Variants in ASAP2 observed in about 807,000 individuals in gnomAD.
ASAP2 encodes the protein arf-GAP with SH3 domain, ANK repeat and PH domain-containing protein 2.
In ASAP2, 45 loss-of-function variants were observed where a neutral mutation model predicts 131.4. The ratio of observed to expected loss-of-function variants is 0.34; its 90% CI spans 0.27 to 0.44. The LOEUF (loss-of-function observed/expected upper bound fraction) is 0.44. Ranked by LOEUF, ASAP2 falls within the 20% of genes least tolerant of loss-of-function variation. The probability of loss-of-function intolerance (pLI) is 1.00; values close to 1 mark genes in which losing one functional copy is unlikely to be tolerated. For missense variants in ASAP2, 1,011 were observed against 1,297.0 expected (o/e 0.78, Z 3.39); for synonymous variants, 510 against 503.0 (o/e 1.01, Z -0.19).
chr2:9,318,236 A>AT (rs1174003959), intron 3 of ASAP2, among the ~76,000 whole-genome samples: 2 of 152,028 alleles, frequency 1.3e-5, no homozygotes, highest in Non-Finnish European at 2.9e-5. Context: ...GTTTTGAAAT[A>AT]TTTTTTCTTC....
At chr2:9,278,690 A>G (rs1163618908) in intron 1 of ASAP2, among the ~76,000 whole-genome samples, 2 of 152,172 alleles carry the variant, frequency 1.3e-5, no homozygotes, top group Admixed American at 6.5e-5. Flanking sequence ...TAGCTGGTCT[A>G]TAAACATTTG....
intron 20 of ASAP2, among the ~76,000 whole-genome samples, chr2:9,384,537 C>T (rs1675110905): frequency 6.6e-6 from 1 of 152,252 alleles, no homozygotes; most frequent in Non-Finnish European, 1.5e-5. Flanking sequence ...TTCTGACCAA[C>T]CGGCTTCAAG....
chr2:9,222,554 A>G (rs1449167131), intron 1 of ASAP2, among the ~76,000 whole-genome samples: 2 of 152,178 alleles, frequency 1.3e-5, no homozygotes, highest in African/African-American at 2.4e-5. Context: ...ACAAAAGGTA[A>G]TTATTGAGAT....
chr2:9,297,230 C>G, intron 2 of ASAP2, 70 bp from the exon 3 acceptor site: 1 of 1,577,256 alleles, frequency 6.3e-7, no homozygotes, highest in African/African-American at 1.4e-5. Flanking sequence ...TATTCACAAC[C>G]GAGAAGAACC....
intron 9 of ASAP2, among the ~76,000 whole-genome samples, chr2:9,341,745 G>A (rs1250546863): frequency 3.3e-5 from 5 of 152,176 alleles, no homozygotes; most frequent in African/African-American, 9.7e-5. Flanking sequence ...TCTCAGCAAC[G>A]TTGAAAGCTG....
intron 1 of ASAP2, among the ~76,000 whole-genome samples, chr2:9,263,029 C>T (rs1030951306): frequency 1.3e-5 from 2 of 152,178 alleles, no homozygotes; most frequent in Non-Finnish European, 2.9e-5. Flanking sequence ...GAAGGCTGAC[C>T]TCACGCCCAG....
At chr2:9,354,728 G>A (rs747324413) in intron 12 of ASAP2, among the ~76,000 whole-genome samples, 9 of 151,862 alleles carry the variant, frequency 5.9e-5, no homozygotes, top group Non-Finnish European at 1.0e-4. Context: ...ACCAAGTTCT[G>A]CTGCTGGCTA....
At chr2:9,366,649 T>G (rs1216292974) in intron 15 of ASAP2, among the ~76,000 whole-genome samples, 1 of 152,128 alleles carries the variant, frequency 6.6e-6, no homozygotes, top group East Asian at 1.9e-4. Context: ...CCTCTAGGCT[T>G]TTGCCTCCTG....
intron 19 of ASAP2, among the ~76,000 whole-genome samples, chr2:9,380,004 T>A (rs13033403): frequency 0.91 from 130,122 of 142,244 alleles, 59,344 homozygotes; most frequent in Non-Finnish European, 0.99. Context: ...AAAAAAAAAA[T>A]AAATAAAGTA....
At chr2:9,271,825 G>A (rs925307662) in intron 1 of ASAP2, among the ~76,000 whole-genome samples, 3 of 151,704 alleles carry the variant, frequency 2.0e-5, no homozygotes, top group Non-Finnish European at 4.4e-5. Context: ...CTTTCTGTAC[G>A]TGGCTTATTT....
intron 1 of ASAP2, among the ~76,000 whole-genome samples, chr2:9,211,602 G>C (rs903464163): frequency 2.0e-5 from 3 of 151,936 alleles, no homozygotes; most frequent in African/African-American, 7.3e-5. Flanking sequence ...CTTCCTTCCG[G>C]GGCCATAATT....
chr2:9,318,742 C>T (rs1207607021), intron 4 of ASAP2, 144 bp downstream of exon 4: 6 of 564,182 alleles, frequency 1.1e-5, no homozygotes, highest in Non-Finnish European at 1.9e-5. Flanking sequence ...CTCTGATTTG[C>T]CATCTTGGGA....
At chr2:9,215,930 T>C (rs1661991233) in intron 1 of ASAP2, among the ~76,000 whole-genome samples, 3 of 152,202 alleles carry the variant, frequency 2.0e-5, no homozygotes, top group Non-Finnish European at 4.4e-5. Context: ...GCTTCTCATC[T>C]GATCCCACAG....
intron 11 of ASAP2, among the ~76,000 whole-genome samples, chr2:9,346,493 A>G (rs1190405165): frequency 1.3e-5 from 2 of 152,044 alleles, no homozygotes; most frequent in Admixed American, 1.3e-4. Flanking sequence ...TGAGTTCTGT[A>G]GACCAAGGGA....
intron 22 of ASAP2, 57 bp downstream of exon 22, chr2:9,388,603 G>C (rs1675483706): frequency 6.4e-7 from 1 of 1,560,776 alleles, no homozygotes; most frequent in African/African-American, 1.4e-5. Flanking sequence ...TTGTGGTTTG[G>C]GAAGTTTGCA....
Position 9,384,181 on chromosome 2 carries a change from A to T in ASAP2, c.2017-1064A>T, listed in dbSNP as rs566160832. Among the ~76,000 whole-genome samples, 11 of 152,320 alleles carry T rather than the reference A, an allele frequency of 7.2e-5. No individual in the cohort carries two copies. The South Asian group carries it at 2.3e-3, about 32-fold the overall frequency. ...GTATAATAAAAAAATAAATTAATTA[A>T]AAAGAAAAGAACAGAGTCAGTTTTA... On this transcript the variant is annotated intron_variant, in intron 20 of 27. Coordinates refer to ENST00000281419, the MANE Select transcript of ASAP2 (RefSeq NM_003887.3).
intron 2 of ASAP2, among the ~76,000 whole-genome samples, chr2:9,290,808 CACACTCTG>C (rs1335927123): frequency 1.3e-5 from 2 of 152,272 alleles, no homozygotes; most frequent in African/African-American, 4.8e-5. Context: ...TGGGCTTGTT[CACACTCTG>C]ACAGTCTGTT....
chr2:9,344,498 C>T lies in ASAP2; in HGVS notation c.850-34C>T, dbSNP rs374692643. 3.8e-6 allele frequency: 6 copies of T among 1,558,516 alleles called. No homozygotes were observed. In the African/African-American group the frequency reaches 8.2e-5, roughly 21 times the overall value. ...GCTTTTCTAAAAATTAGGACCTGGA[C>T]AAGATTAAAAACACACTCTTCACCA... On this transcript the variant is annotated intron_variant, in intron 9 of 27. Transcript: ENST00000281419.
At chr2:9,257,667 C>T (rs982707029) in intron 1 of ASAP2, among the ~76,000 whole-genome samples, 26 of 152,104 alleles carry the variant, frequency 1.7e-4, no homozygotes, top group Admixed American at 3.9e-4. Flanking sequence ...TACAAACTCA[C>T]GCCACCATGC....
Sources: gnomAD v4.1 joint callset for allele counts (sites outside exome capture counted in the v4.1 genomes callset) on GRCh38, gnomAD v4.1.1 for gene constraint, MANE v1.5 for transcripts, NCBI Gene and HGNC (gene_info 2026-07-23, HGNC 2026-07-21) for gene names.